LARGE1: variants seen among roughly 807,000 people sequenced by gnomAD.
LARGE1 encodes the protein xylosyl- and glucuronyltransferase LARGE1.
A neutral mutation model predicts 87.6 loss-of-function variants in LARGE1; 43 were observed. The ratio of observed to expected loss-of-function variants is 0.49; its 90% CI spans 0.38 to 0.63. The LOEUF is 0.63. Among genes scored for constraint, LARGE1 ranks in the 30% least tolerant of loss-of-function variants. The probability of loss-of-function intolerance (pLI) is 0.00; values close to 1 mark genes in which losing one functional copy is unlikely to be tolerated. For missense variants in LARGE1, 802 were observed against 1,000.2 expected, an observed-to-expected ratio of 0.80 and a Z score of 2.67; for synonymous variants, 434 against 394.6, an observed-to-expected ratio of 1.10 and a Z score of -1.18.
chr22:33,583,951 A>G (rs2014025), intron 5 of LARGE1, among the ~76,000 whole-genome samples: 68,128 of 152,042 alleles, frequency 0.45, 15,428 homozygotes, highest in Middle Eastern at 0.53. Context: ...AAACCTCAGA[A>G]ATAAAAATTG....
At chr22:33,795,283 A>C (rs2085944225) in intron 1 of LARGE1, among the ~76,000 whole-genome samples, 2 of 152,268 alleles carry the variant, frequency 1.3e-5, no homozygotes, top group Non-Finnish European at 2.9e-5. Flanking sequence ...GCTGGTATAC[A>C]GTAAGTATTT....
At chr22:33,347,658 A>G (rs913761283) in intron 9 of LARGE1, among the ~76,000 whole-genome samples, 1 of 152,188 alleles carries the variant, frequency 6.6e-6, no homozygotes, top group African/African-American at 2.4e-5. Flanking sequence ...ATGACACATG[A>G]GAGAAAAGGA....
chr22:33,785,134 TATAC>T (rs1301564113), intron 1 of LARGE1, among the ~76,000 whole-genome samples: 1 of 147,682 alleles, frequency 6.8e-6, no homozygotes, highest in African/African-American at 2.5e-5. Flanking sequence ...CATATATGTG[TATAC>T]ATACATATGT....
the LARGE1 span, among the ~76,000 whole-genome samples, chr22:33,139,501 C>G: frequency 2.0e-5 from 3 of 152,058 alleles, no homozygotes. Context: ...TTCTTAGGAT[C>G]ACAAAACTTT....
chr22:33,452,846 G>A (rs1479761092), intron 6 of LARGE1, among the ~76,000 whole-genome samples: 2 of 152,066 alleles, frequency 1.3e-5, no homozygotes, highest in African/African-American at 2.4e-5. Flanking sequence ...TCTAATTAAT[G>A]GATACTATAG....
intron 2 of LARGE1, chr22:33,744,386 G>GCTCCA (rs1489181998): frequency 1.3e-5 from 2 of 152,260 alleles, no homozygotes; most frequent in East Asian, 3.9e-4. Context: ...GCCCCTGTCC[G>GCTCCA]CTCCAGTCCT....
Position 33,693,356 on chromosome 22 carries a change from T to A in LARGE1, c.107-42688A>T, listed in dbSNP as rs565281324. 4.6e-5 allele frequency among the ~76,000 whole-genome samples: 7 copies of A among 151,376 alleles called. No individual in the cohort carries two copies. The Middle Eastern group carries it at 0.014, about 294-fold the overall frequency. Reference sequence around the variant, plus strand: ...TCAGACTTAACCACTACACAATTCATTTTTATAGCCAAAAACCATCTGTAA... The same window carrying A: ...TCAGACTTAACCACTACACAATTCAATTTTATAGCCAAAAACCATCTGTAA... On this transcript the variant is annotated intron_variant, in intron 2 of 14. Transcript: ENST00000397394.
chr22:33,678,739 G>C (rs1278900557), intron 2 of LARGE1, among the ~76,000 whole-genome samples: 2 of 152,212 alleles, frequency 1.3e-5, no homozygotes, highest in Non-Finnish European at 2.9e-5. Context: ...CTCCACGAAT[G>C]AGAGCAGAGC....
At chr22:33,719,410 A>G (rs2083012286) in intron 2 of LARGE1, among the ~76,000 whole-genome samples, 1 of 152,012 alleles carries the variant, frequency 6.6e-6, no homozygotes, top group African/African-American at 2.4e-5. Flanking sequence ...CACACCACTC[A>G]CTCACTGACT....
intron 2 of LARGE1, among the ~76,000 whole-genome samples, chr22:33,668,189 T>C (rs1393767758): frequency 6.6e-6 from 1 of 152,232 alleles, no homozygotes; most frequent in Non-Finnish European, 1.5e-5. Flanking sequence ...AGATATGCTA[T>C]AATAAGCTTG....
At chr22:33,084,344 C>T in the LARGE1 span, among the ~76,000 whole-genome samples, 10 of 152,052 alleles carry the variant, frequency 6.6e-5, no homozygotes, top group Non-Finnish European at 8.8e-5. Flanking sequence ...GATGTCTATA[C>T]CCTCATTGCT....
At chr22:33,809,879 G>A (rs1253198398) in intron 1 of LARGE1, among the ~76,000 whole-genome samples, 1 of 150,698 alleles carries the variant, frequency 6.6e-6, no homozygotes, top group Non-Finnish European at 1.5e-5. Context: ...AGAAGCTTGT[G>A]TTAAAAAAAA....
intron 5 of LARGE1, among the ~76,000 whole-genome samples, chr22:33,594,053 A>C (rs1207244503): frequency 6.6e-6 from 1 of 152,224 alleles, no homozygotes; most frequent in African/African-American, 2.4e-5. Flanking sequence ...GTTGGCAAAT[A>C]ATCAACTCTT....
At chr22:33,659,601 G>C (rs866689931) in intron 2 of LARGE1, among the ~76,000 whole-genome samples, 1 of 152,044 alleles carries the variant, frequency 6.6e-6, no homozygotes, top group Non-Finnish European at 1.5e-5. Context: ...AAGGCTGCTC[G>C]CTTTTTATGA....
intron 2 of LARGE1, among the ~76,000 whole-genome samples, chr22:33,670,695 A>G (rs1486891904): frequency 6.6e-6 from 1 of 152,170 alleles, no homozygotes; most frequent in South Asian, 2.1e-4. Flanking sequence ...AGAACTTGCT[A>G]TGATAAAAAA....
In LARGE1 at chr22:33,650,546, G is replaced by C; in HGVS notation, c.229C>G (p.Arg77Gly). 3.1e-6 allele frequency: 5 copies of C among 1,610,020 alleles called. No individual in the cohort carries two copies. Among genetic ancestry groups the C allele is most frequent in the Non-Finnish European group, 4.2e-6 (5 of 1,179,950 alleles). Residue 77 changes from arginine (R) to glycine (G), a missense_variant, in exon 3 of 15, where the codon CGC becomes GGC. By Grantham distance (125) the Arg-to-Gly change is moderately radical. Around this residue, in one of 2 missense-constraint regions of LARGE1, gnomAD observed 177 missense variants for 158.3 expected, o/e 1.12. Transcript: ENST00000397394. ...AGGCTGAGCTGCCTGCGGAGGGCGCGGTTCTCCTCCTCCACCTCGCGCATG... is the reference window on the plus strand; with the variant it reads ...AGGCTGAGCTGCCTGCGGAGGGCGCCGTTCTCCTCCTCCACCTCGCGCATG... ...VRMREVEEEN[R>G]ALRRQLSLAQ... is the part of the protein sequence containing the mutation.
At chr22:33,811,455 T>A (rs1156619951) in intron 1 of LARGE1, among the ~76,000 whole-genome samples, 1 of 152,184 alleles carries the variant, frequency 6.6e-6, no homozygotes, top group Non-Finnish European at 1.5e-5. Context: ...TCTTAAGTGA[T>A]CATTTGCATG....
chr22:33,546,916 T>C (rs989588474), intron 6 of LARGE1, among the ~76,000 whole-genome samples: 15 of 152,216 alleles, frequency 9.9e-5, no homozygotes, highest in African/African-American at 3.6e-4. Context: ...TCGGTACTGA[T>C]TTAGAGATTG....
intron 1 of LARGE1, among the ~76,000 whole-genome samples, chr22:33,819,712 G>A (rs1044118136): frequency 6.6e-6 from 1 of 152,114 alleles, no homozygotes; most frequent in Non-Finnish European, 1.5e-5. Flanking sequence ...GTGAAAGACT[G>A]CCCTGAATCT....
Sources: gnomAD v4.1 joint callset for allele counts (sites outside exome capture counted in the v4.1 genomes callset) on GRCh38, gnomAD v4.1.1 for gene constraint, gnomAD v4.1.1 regional missense constraint, MANE v1.5 for transcripts, NCBI Gene and HGNC (gene_info 2026-07-23, HGNC 2026-07-21) for gene names.